The following CCDC30 variants were observed in gnomAD, a reference collection of about 807,000 sequenced individuals.
CCDC30 encodes coiled-coil domain-containing protein 30.
A neutral mutation model predicts 100.2 loss-of-function variants in CCDC30; 70 were observed. That is an observed-to-expected ratio of 0.70 (90% confidence interval 0.58 to 0.85). The LOEUF (loss-of-function observed/expected upper bound fraction) is 0.85, where lower values mean the gene tolerates loss of function less well. Ranked by LOEUF, CCDC30 falls within the 40% of genes least tolerant of loss-of-function variation. CCDC30 has a pLI of 0.00. For missense variants in CCDC30, 652 were observed against 771.2 expected (o/e 0.85, Z 1.83); for synonymous variants, 233 against 269.5 (o/e 0.86, Z 1.33).
chr1:42,636,584 G>A (rs150612341), intron 11 of CCDC30, among the ~76,000 whole-genome samples: 24 of 151,810 alleles, frequency 1.6e-4, no homozygotes, highest in African/African-American at 5.6e-4. Context: ...TAGATGTCAG[G>A]GATAAAAAAT....
At chr1:42,611,170 G>A in intron 11 of CCDC30, 80 bp downstream of exon 15, 1 of 784,012 alleles carries the variant, frequency 1.3e-6, no homozygotes, top group Non-Finnish European at 2.1e-6. Flanking sequence ...GGGCTAAATG[G>A]TGGGCTGCTC....
At chr1:42,637,182 C>A in intron 11 of CCDC30, 55 bp from the exon 16 acceptor site, 4 of 1,442,172 alleles carry the variant, frequency 2.8e-6, no homozygotes, top group Non-Finnish European at 3.8e-6. Flanking sequence ...ATTGAGGATG[C>A]AAAATAAATT....
At chr1:42,524,365 C>T (rs12563425) in intron 6 of CCDC30, among the ~76,000 whole-genome samples, 20,711 of 152,116 alleles carry the variant, frequency 0.14, 1,551 homozygotes, top group East Asian at 0.19. Flanking sequence ...CCAGTTTCCT[C>T]TCTATACGCA....
At chr1:42,649,172 G>A (rs545154554) in intron 15 of CCDC30, among the ~76,000 whole-genome samples, 1 of 152,154 alleles carries the variant, frequency 6.6e-6, no homozygotes, top group South Asian at 2.1e-4. Flanking sequence ...TAAAGAGGAG[G>A]GAATACTAAC....
intron 1 of CCDC30, among the ~76,000 whole-genome samples, chr1:42,467,046 C>T (rs1024963883): frequency 1.3e-5 from 2 of 152,060 alleles, no homozygotes; most frequent in Non-Finnish European, 2.9e-5. Flanking sequence ...GTAGAGTGAC[C>T]TGAATGTCAA....
chr1:42,566,781 A>G (rs1645615039), intron 7 of CCDC30, among the ~76,000 whole-genome samples: 1 of 152,138 alleles, frequency 6.6e-6, no homozygotes, highest in Non-Finnish European at 1.5e-5. Flanking sequence ...GTATCACTAG[A>G]CTTATTTATC....
intron 6 of CCDC30, 107 bp from the exon 11 acceptor site, chr1:42,566,189 A>G: frequency 4.9e-6 from 4 of 809,368 alleles, no homozygotes; most frequent in East Asian, 2.7e-5. Context: ...AAACATTTAC[A>G]TGTGAATAAT....
the CCDC30 span, chr1:42,456,315 C>T: frequency 2.0e-5 from 12 of 597,544 alleles, no homozygotes; most frequent in South Asian, 2.1e-4. Flanking sequence ...GGCTAGGAAA[C>T]GAACGTGAGG....
At chr1:42,479,375 C>CA (rs1417150064) in intron 1 of CCDC30, among the ~76,000 whole-genome samples, 1 of 151,398 alleles carries the variant, frequency 6.6e-6, no homozygotes, top group Non-Finnish European at 1.5e-5. Context: ...GACTCCATCT[C>CA]AAAAAAAGAA....
intron 1 of CCDC30, among the ~76,000 whole-genome samples, chr1:42,471,407 C>CT (rs1340290671): frequency 6.6e-6 from 1 of 152,204 alleles, no homozygotes. Flanking sequence ...ATCACAACTG[C>CT]TTTTAGCACT....
chr1:42,657,139 T>C (rs1648691598), downstream of CCDC30, among the ~76,000 whole-genome samples: 1 of 152,218 alleles, frequency 6.6e-6, no homozygotes, highest in South Asian at 2.1e-4. Flanking sequence ...AAGATGATCA[T>C]AGGAACTAGG....
chr1:42,539,114 CT>C, intron 6 of CCDC30, 58 bp from the exon 8 acceptor site: 3 of 1,306,920 alleles, frequency 2.3e-6, no homozygotes, highest in Non-Finnish European at 3.1e-6. Flanking sequence ...AATATTATAT[CT>C]TTTATGGGGG....
intron 11 of CCDC30, among the ~76,000 whole-genome samples, chr1:42,632,306 T>C (rs1281542496): frequency 6.6e-6 from 1 of 152,082 alleles, no homozygotes; most frequent in Non-Finnish European, 1.5e-5. Context: ...CAGTGCCCTA[T>C]CCTGCTGTGG....
chr1:42,565,186 T>C (rs1366778414), intron 6 of CCDC30, among the ~76,000 whole-genome samples: 1 of 152,084 alleles, frequency 6.6e-6, no homozygotes, highest in Non-Finnish European at 1.5e-5. Context: ...AATAGACAAA[T>C]GGGGTTGCGT....
At chr1:42,511,568 T>C (rs1006261611) in intron 6 of CCDC30, among the ~76,000 whole-genome samples, 2 of 152,172 alleles carry the variant, frequency 1.3e-5, no homozygotes, top group Non-Finnish European at 2.9e-5. Flanking sequence ...TTCCTGCCGA[T>C]GGGACAGTGT....
intron 10 of CCDC30, among the ~76,000 whole-genome samples, chr1:42,609,789 T>A (rs1336643892): frequency 6.6e-6 from 1 of 152,116 alleles, no homozygotes; most frequent in African/African-American, 2.4e-5. Context: ...TCAAACTTAA[T>A]CTCCTTAGAC....
At chr1:42,653,899 T>C (rs765865782) in exon 17 of CCDC30, 5 of 1,613,958 alleles carry the variant, frequency 3.1e-6, no homozygotes, top group Non-Finnish European at 4.2e-6. Context: ...CAATGGCAAG[T>C]TCAAAGTCCC....
chr1:42,461,550 C>T (rs1398853103), upstream of CCDC30, among the ~76,000 whole-genome samples: 17 of 140,580 alleles, frequency 1.2e-4, no homozygotes, highest in African/African-American at 4.2e-4. Flanking sequence ...TACCCAGGCT[C>T]TTTTTTTTTT....
intron 10 of CCDC30, among the ~76,000 whole-genome samples, chr1:42,599,688 T>A (rs1338754603): frequency 1.1e-4 from 16 of 152,064 alleles, no homozygotes; most frequent in Non-Finnish European, 4.4e-5. Flanking sequence ...TAAAGACACA[T>A]GTAAATTAAA....
Sources: allele counts gnomAD v4.1 joint callset (sites outside exome capture counted in the v4.1 genomes callset), GRCh38; gene constraint gnomAD v4.1.1; transcripts MANE v1.5; gene names NCBI Gene and HGNC (gene_info 2026-07-23, HGNC 2026-07-21).